SEPTIN7: variants seen among roughly 807,000 people sequenced by gnomAD.
SEPTIN7 encodes the protein septin-7.
A neutral mutation model predicts 63.3 loss-of-function variants in SEPTIN7; 10 were observed. The observed-to-expected ratio is 0.16, with a 90% CI of 0.10 to 0.27. SEPTIN7 has a LOEUF of 0.27. Ranked by LOEUF, SEPTIN7 falls within the 10% of genes least tolerant of loss-of-function variation. The pLI is 1.00. For synonymous variants in SEPTIN7, 131 were observed against 165.3 expected (o/e 0.79, Z 1.59); for missense variants, 310 against 521.0 (o/e 0.59, Z 3.94).
chr7:35,838,099 CT>C (rs1004788851), intron 3 of SEPTIN7, among the ~76,000 whole-genome samples: 2 of 151,346 alleles, frequency 1.3e-5, no homozygotes, highest in African/African-American at 2.4e-5. Flanking sequence ...TTTTTAAAAA[CT>C]TTTTTTTTCT....
intron 1 of SEPTIN7, among the ~76,000 whole-genome samples, chr7:35,804,412 G>A (rs1788193321): frequency 6.6e-6 from 1 of 152,202 alleles, no homozygotes; most frequent in African/African-American, 2.4e-5. Context: ...GAGGCAGCTT[G>A]GCTGGCATTA....
intron 1 of SEPTIN7, chr7:35,802,201 C>T (rs564527772): frequency 7.7e-5 from 22 of 284,382 alleles, no homozygotes; most frequent in African/African-American, 4.2e-4. Flanking sequence ...TTTCCTCCCC[C>T]ACATGTTGGA....
intron 9 of SEPTIN7, among the ~76,000 whole-genome samples, chr7:35,884,937 T>C (rs1336961837): frequency 1.3e-5 from 2 of 152,242 alleles, no homozygotes; most frequent in Admixed American, 6.5e-5. Flanking sequence ...AATCTGATAC[T>C]TAATCTTCTG....
chr7:35,891,940 TTTG>T (rs1178187672), intron 11 of SEPTIN7, among the ~76,000 whole-genome samples: 1 of 152,188 alleles, frequency 6.6e-6, no homozygotes, highest in East Asian at 1.9e-4. Context: ...TATACCTTTT[TTTG>T]TTGTTGTTAA....
At chr7:35,876,103 AT>A (rs1217048423) in intron 6 of SEPTIN7, among the ~76,000 whole-genome samples, 1 of 152,098 alleles carries the variant, frequency 6.6e-6, no homozygotes, top group Admixed American at 6.6e-5. Context: ...CTAAAGTTTA[AT>A]TTTTAAACTG....
At chr7:35,870,260 A>G (rs764256719) in intron 4 of SEPTIN7, among the ~76,000 whole-genome samples, 3 of 152,236 alleles carry the variant, frequency 2.0e-5, no homozygotes, top group Admixed American at 6.5e-5. Flanking sequence ...TAGCAAGTCA[A>G]TAAGTAATTA....
downstream of SEPTIN7, among the ~76,000 whole-genome samples, chr7:35,908,071 C>A (rs1257096038): frequency 2.0e-5 from 3 of 152,142 alleles, no homozygotes; most frequent in Admixed American, 6.5e-5. Flanking sequence ...TTTGGAGTTA[C>A]TTCCATGGAA....
At chr7:35,819,143 T>A (rs1476061282) in intron 1 of SEPTIN7, among the ~76,000 whole-genome samples, 2 of 152,124 alleles carry the variant, frequency 1.3e-5, no homozygotes, top group East Asian at 3.8e-4. Flanking sequence ...TTTGGTATGT[T>A]GTGTTTTTAG....
intron 9 of SEPTIN7, 83 bp from the exon 10 acceptor site, chr7:35,885,741 TTTAC>T: frequency 9.8e-7 from 1 of 1,023,778 alleles, no homozygotes; most frequent in Non-Finnish European, 1.5e-6. Flanking sequence ...TCTTCTTGTT[TTTAC>T]ACCCCAAGTT....
At chr7:35,855,528 G>T (rs1252053829) in intron 3 of SEPTIN7, among the ~76,000 whole-genome samples, 1 of 151,846 alleles carries the variant, frequency 6.6e-6, no homozygotes, top group African/African-American at 2.4e-5. Flanking sequence ...CTTTCTTTAG[G>T]CTTATTTTAA....
intron 1 of SEPTIN7, among the ~76,000 whole-genome samples, chr7:35,811,602 C>T (rs1468574051): frequency 2.0e-5 from 3 of 152,024 alleles, no homozygotes; most frequent in Non-Finnish European, 2.9e-5. Flanking sequence ...TATTAAGAGG[C>T]GGGCATGGTG....
At chr7:35,843,097 T>C (rs533783108) in intron 3 of SEPTIN7, among the ~76,000 whole-genome samples, 1 of 152,226 alleles carries the variant, frequency 6.6e-6, no homozygotes, top group African/African-American at 2.4e-5. Flanking sequence ...ACTTATTTGA[T>C]CAATCCCCCT....
intron 5 of SEPTIN7, among the ~76,000 whole-genome samples, chr7:35,873,382 C>T (rs1786276180): frequency 6.6e-6 from 1 of 151,926 alleles, no homozygotes; most frequent in African/African-American, 2.4e-5. Context: ...GTTATTAATA[C>T]ACTTATTAGT....
At chr7:35,907,773 C>A (rs1431948860), downstream of SEPTIN7, among the ~76,000 whole-genome samples, 1 of 152,178 alleles carries the variant, frequency 6.6e-6, no homozygotes, top group African/African-American at 2.4e-5. Flanking sequence ...ACCAGACATG[C>A]TAATTGTCTC....
chr7:35,889,745 T>C (rs1368049345), intron 10 of SEPTIN7, among the ~76,000 whole-genome samples: 1 of 152,168 alleles, frequency 6.6e-6, no homozygotes, highest in Admixed American at 6.5e-5. Context: ...GGTTCCACCA[T>C]GTTGGCCAGG....
Position 35,847,177 on chromosome 7 carries a change from C to A in SEPTIN7, c.169+14277C>A. The A allele has an allele frequency of 1.9e-5, 3 of 158,930 alleles. No homozygotes were observed. The South Asian group carries it at 5.4e-4, about 28-fold the overall frequency. 9.8% of individuals were successfully genotyped at this position (158,930 alleles called of 1,614,324 possible). A position where few individuals can be genotyped will look rare whatever the true frequency, so the allele number is the denominator to read the frequency against. On this transcript the variant is annotated intron_variant, in intron 3 of 13. Coordinates refer to ENST00000350320, the MANE Select transcript of SEPTIN7 (RefSeq NM_001788.6). ...AAGTGGGCAGCCTTGTGCACACAGT[C>A]GTGCAGTGTGAAGCTCACCTGTCGA... is the stretch of plus-strand genomic sequence containing the variant.
Position 35,897,588 on chromosome 7 carries a change from G to T in SEPTIN7, c.999-660G>T, listed in dbSNP as rs375687055. On this transcript the variant is annotated intron_variant, in intron 11 of 13. Coordinates refer to ENST00000350320, the MANE Select transcript of SEPTIN7 (RefSeq NM_001788.6). The stretch of plus-strand genomic sequence containing the variant: ...AATTATTAACAAAATATTTGCTTCT[G>T]ATTATCTCTGAAGTATGTGTGTGTG... Among the ~76,000 whole-genome samples the T allele has an allele frequency of 1.5e-4, 23 of 151,934 alleles. No homozygotes were observed. The East Asian group carries it at 4.4e-3, about 29-fold the overall frequency.
At chr7:35,801,399 TG>T in intron 1 of SEPTIN7, 129 bp downstream of exon 1, 1 of 1,135,124 alleles carries the variant, frequency 8.8e-7, no homozygotes. Flanking sequence ...GGAGCCGGGA[TG>T]GGGGCCACTG....
At chr7:35,832,527 A>C (rs17617560) in intron 2 of SEPTIN7, 1 of 312,456 alleles carries the variant, frequency 3.2e-6, no homozygotes, top group Non-Finnish European at 6.1e-6. Flanking sequence ...ACTACTGTCA[A>C]TTGAAATCTT....
Sources: allele counts gnomAD v4.1 joint callset (sites outside exome capture counted in the v4.1 genomes callset), GRCh38; gene constraint gnomAD v4.1.1; transcripts MANE v1.5; gene names NCBI Gene and HGNC (gene_info 2026-07-23, HGNC 2026-07-21).